Variants in SLC28A2 observed in about 807,000 individuals in gnomAD.
The protein encoded by SLC28A2 is sodium/nucleoside cotransporter 2.
Under a neutral mutation model 72.9 loss-of-function variants are expected in SLC28A2, and 69 were observed. The observed-to-expected ratio is 0.95, with a 90% confidence interval of 0.78 to 1.16. The LOEUF is 1.16. Among genes scored for constraint, SLC28A2 ranks in the 50% most tolerant of loss-of-function variants. SLC28A2 has a pLI of 0.00. For synonymous variants in SLC28A2, 296 were observed against 294.1 expected (o/e 1.01, Z -0.07); for missense variants, 745 against 791.1 (o/e 0.94, Z 0.70).
chr15:45,268,445 T>G, intron 13 of SLC28A2, 67 bp downstream of exon 13: 1 of 1,355,866 alleles, frequency 7.4e-7, no homozygotes, highest in Non-Finnish European at 1.0e-6. Context: ...AACATGCATG[T>G]CCAAATCAAA....
rs542231840 is a variant in SLC28A2 at position 45,277,355 on chromosome 15, A to C, written c.*1842A>C. The C allele has an allele frequency of 3.3e-5, 5 of 152,194 alleles. No homozygotes were observed. The highest frequency in any genetic ancestry group is 1.2e-4 in the African/African-American group (5 of 41,536). 9.4% of individuals were successfully genotyped at this position (152,194 alleles called of 1,614,324 possible). On this transcript the variant is annotated 3_prime_UTR_variant, in exon 18 of 18. Transcript: ENST00000347644. The stretch of plus-strand genomic sequence containing the variant: ...ATACACATTCAAAAGAATCAAAACT[A>C]AGTTCTCAAACAAGTACATGTACAT...
chr15:45,256,422 C>CT (rs1018600416), intron 3 of SLC28A2, among the ~76,000 whole-genome samples: 15 of 151,072 alleles, frequency 9.9e-5, no homozygotes, highest in Admixed American at 2.6e-4. Flanking sequence ...ATTTTCTTTT[C>CT]TTTTTTTTTG....
intron 3 of SLC28A2, among the ~76,000 whole-genome samples, chr15:45,259,910 G>T (rs747607946): frequency 2.0e-5 from 3 of 152,160 alleles, no homozygotes; most frequent in Non-Finnish European, 2.9e-5. Context: ...AGTCCAGCCT[G>T]CCTCTTACTT....
At chr15:45,253,821 A>T (rs1328904152) in intron 3 of SLC28A2, 1 of 197,524 alleles carries the variant, frequency 5.1e-6, no homozygotes, top group African/African-American at 2.3e-5. Flanking sequence ...TATTTTCATT[A>T]CAACAGGTAG....
At chr15:45,264,808 C>A in intron 7 of SLC28A2, 40 bp downstream of exon 7, 4 of 1,247,852 alleles carry the variant, frequency 3.2e-6, no homozygotes, top group Non-Finnish European at 4.7e-6. Context: ...TCTTTTAGAA[C>A]CCTAGAGAAA....
At chr15:45,257,101 C>T (rs980975361) in intron 3 of SLC28A2, among the ~76,000 whole-genome samples, 2 of 152,356 alleles carry the variant, frequency 1.3e-5, no homozygotes, top group South Asian at 2.1e-4. Context: ...TTTCCTGCCT[C>T]CATGTCATGC....
Position 45,268,375 on chromosome 15 carries a change from C to T in SLC28A2, c.1365C>T (p.Phe455=). Residue 455 remains phenylalanine, a synonymous_variant, in exon 13 of 18, where the codon TTC becomes TTT. Coordinates refer to ENST00000347644, the MANE Select transcript of SLC28A2 (RefSeq NM_004212.4). The part of the protein sequence containing the change: ...GELVDIQGLT[F]QVICSYLLRP... Reference sequence around the variant, plus strand: ...TGGTGGACATACAGGGGCTCACTTTCCAGGTAAAGGATTACATTTGTTGGG... The same window carrying T: ...TGGTGGACATACAGGGGCTCACTTTTCAGGTAAAGGATTACATTTGTTGGG... 6.3e-7 allele frequency: 1 copy of T among 1,586,402 alleles called. No homozygotes were observed. The highest frequency in any genetic ancestry group is 1.1e-5 in the South Asian group (1 of 89,422).
chr15:45,256,660 C>CA (rs1422494628), intron 3 of SLC28A2, among the ~76,000 whole-genome samples: 1 of 152,142 alleles, frequency 6.6e-6, no homozygotes, highest in Non-Finnish European at 1.5e-5. Flanking sequence ...CTGCCCACCT[C>CA]AGCCTCCCAA....
At chr15:45,260,919 G>A (rs942808209) in intron 3 of SLC28A2, among the ~76,000 whole-genome samples, 3 of 152,276 alleles carry the variant, frequency 2.0e-5, no homozygotes, top group Admixed American at 6.5e-5. Context: ...AGCTAACACA[G>A]GGTTGGGCTT....
Position 45,276,116 on chromosome 15 carries a change from G to T in SLC28A2, c.*603G>T, listed in dbSNP as rs893238817. On this transcript the variant is annotated 3_prime_UTR_variant, in exon 18 of 18. Coordinates refer to ENST00000347644, the MANE Select transcript of SLC28A2 (RefSeq NM_004212.4). ...CAATGATAGACTGGATTAAGAAAAT[G>T]TGGCACATATACACCATGGAATACT... 4 of 152,104 alleles carry T rather than the reference G, an allele frequency of 2.6e-5. No homozygotes were observed. The highest frequency in any genetic ancestry group is 5.9e-5 in the Non-Finnish European group (4 of 68,060). 9.4% of individuals were successfully genotyped at this position (152,104 alleles called of 1,614,324 possible).
chr15:45,266,704 T>C (rs1900348631), intron 10 of SLC28A2, among the ~76,000 whole-genome samples: 1 of 152,198 alleles, frequency 6.6e-6, no homozygotes, highest in Admixed American at 6.5e-5. Flanking sequence ...AGTACTGAGG[T>C]CTTTCTCTCC....
chr15:45,266,184 GTCT>G (rs751799163), intron 10 of SLC28A2, 23 bp downstream of exon 10: 3 of 1,546,284 alleles, frequency 1.9e-6, no homozygotes, highest in Non-Finnish European at 8.9e-7. Context: ...AGGACTTTTG[GTCT>G]TCTTCCCTCT....
chr15:45,265,711 A>G (rs1413640144), intron 9 of SLC28A2, 48 bp downstream of exon 9: 1 of 1,286,170 alleles, frequency 7.8e-7, no homozygotes, highest in East Asian at 2.3e-5. Flanking sequence ...TCATCCTGTC[A>G]TCAGTCAGCT....
At chr15:45,270,147 C>G in intron 14 of SLC28A2, 48 bp from the exon 15 acceptor site, 1 of 1,250,456 alleles carries the variant, frequency 8.0e-7, no homozygotes, top group Non-Finnish European at 1.2e-6. Flanking sequence ...TATAAGACCG[C>G]ACGCATGGGA....
At chr15:45,254,183 G>A (rs1899901478) in intron 3 of SLC28A2, among the ~76,000 whole-genome samples, 1 of 151,966 alleles carries the variant, frequency 6.6e-6, no homozygotes, top group Non-Finnish European at 1.5e-5. Context: ...TCCATGGTCT[G>A]GAAAACAGTG....
At chr15:45,259,558 C>T (rs8039354) in intron 3 of SLC28A2, among the ~76,000 whole-genome samples, 71,894 of 152,032 alleles carry the variant, frequency 0.47, 20,713 homozygotes, top group Non-Finnish European at 0.67. Flanking sequence ...TACTTTCTAG[C>T]TATCTGTCAC....
At chr15:45,270,913 A>G (rs1021313415) in intron 15 of SLC28A2, among the ~76,000 whole-genome samples, 3 of 152,226 alleles carry the variant, frequency 2.0e-5, no homozygotes, top group Non-Finnish European at 4.4e-5. Flanking sequence ...TTGGGATAAC[A>G]GGCGTGAGCC....
intron 3 of SLC28A2, among the ~76,000 whole-genome samples, chr15:45,254,916 T>C (rs11629858): frequency 0.47 from 71,702 of 151,790 alleles, 20,586 homozygotes; most frequent in Non-Finnish European, 0.66. Flanking sequence ...GTGAGTCACA[T>C]TGCTTGTGTC....
At position 45,270,211 on chromosome 15, in the gene SLC28A2, T is replaced by C; in HGVS notation, c.1583T>C (p.Ile528Thr). ...TTTCCCTAGGTGAGAGCTGAAATCA[T>C]TACAACATTTTCACTCTGTGGATTT... The part of the protein sequence containing the change: ...KQWISVRAEI[I>T]TTFSLCGFAN... Residue 528 changes from isoleucine (I) to threonine (T), a missense_variant, in exon 15 of 18, where the codon ATT becomes ACT. By Grantham distance (89) the Ile-to-Thr change is moderately conservative (BLOSUM62 -1). Coordinates refer to ENST00000347644, the MANE Select transcript of SLC28A2 (RefSeq NM_004212.4). The C allele has an allele frequency of 6.2e-7, 1 of 1,613,460 alleles. No individual in the cohort carries two copies. The highest frequency in any genetic ancestry group is 8.5e-7 in the Non-Finnish European group (1 of 1,179,326).
Sources: allele counts gnomAD v4.1 joint callset (sites outside exome capture counted in the v4.1 genomes callset), GRCh38; gene constraint gnomAD v4.1.1; transcripts MANE v1.5; gene names NCBI Gene and HGNC (gene_info 2026-07-23, HGNC 2026-07-21).